The following SULF2 variants were observed in gnomAD, a reference collection of about 807,000 sequenced individuals.
SULF2 encodes the protein sulfatase 2, also known as extracellular sulfatase Sulf-2.
In SULF2, 52 loss-of-function variants were observed where a neutral mutation model predicts 107.7. The observed-to-expected ratio is 0.48, with a 90% CI of 0.39 to 0.61. The LOEUF is 0.61. Among genes scored for constraint, SULF2 ranks in the 20% least tolerant of loss-of-function variants. The pLI, the probability that SULF2 is intolerant of heterozygous loss-of-function variation, is 0.00. For missense variants in SULF2, 993 were observed against 1,177.3 expected, an observed-to-expected ratio of 0.84 and a Z score of 2.29; for synonymous variants, 460 against 464.3, an observed-to-expected ratio of 0.99 and a Z score of 0.12.
chr20:47,731,183 T>TTC lies in SULF2; in HGVS notation c.415+5518_415+5519dup, dbSNP rs200339548. On this transcript the variant is annotated intron_variant, in intron 3 of 20. Transcript: ENST00000688720. ...ACTCTGCCTGCTACTCACCTGTATCTTCTCTTTTTTTTTTTTTTTTTTTTT... is the reference window on the plus strand; with the variant it reads ...ACTCTGCCTGCTACTCACCTGTATCTTCTCTCTTTTTTTTTTTTTTTTTTTTT... 2.0e-3 allele frequency among the ~76,000 whole-genome samples: 222 copies of TTC among 112,490 alleles called. 12 individuals are homozygous for TTC. The highest frequency in any genetic ancestry group is 7.3e-3 in the African/African-American group (190 of 26,022). 73.8% of individuals were successfully genotyped at this position (112,490 alleles called of 152,430 possible). A position where few individuals can be genotyped will look rare whatever the true frequency, so the allele number is the denominator to read the frequency against.
chr20:47,774,597 G>T (rs931572738), intron 1 of SULF2, among the ~76,000 whole-genome samples: 1 of 152,226 alleles, frequency 6.6e-6, no homozygotes, highest in African/African-American at 2.4e-5. Flanking sequence ...TGCCACACAG[G>T]TTTGGGCATT....
intron 2 of SULF2, among the ~76,000 whole-genome samples, chr20:47,745,446 TATATATATATACACATAC>T (rs1331240200): frequency 0.19 from 3,153 of 16,978 alleles, 247 homozygotes; most frequent in Admixed American, 0.31. Flanking sequence ...TATATATATA[TATATATATATACACATAC>T]ACACACACTT....
intron 3 of SULF2, among the ~76,000 whole-genome samples, chr20:47,723,432 G>A (rs1248010928): frequency 2.0e-5 from 3 of 152,136 alleles, no homozygotes; most frequent in Non-Finnish European, 2.9e-5. Flanking sequence ...TGTGAACAAC[G>A]CTCTAGACCA....
At chr20:47,716,808 T>A (rs2089136252) in intron 3 of SULF2, among the ~76,000 whole-genome samples, 1 of 152,100 alleles carries the variant, frequency 6.6e-6, no homozygotes, top group Non-Finnish European at 1.5e-5. Context: ...CCAGCCTGCG[T>A]GACAAAGTGA....
Position 47,678,524 on chromosome 20 carries a change from C to CCCACGGGGACCATGCTTCTCTT in SULF2, c.1193+151_1193+152insAAGAGAAGCATGGTCCCCGTGG. The CCCACGGGGACCATGCTTCTCTT allele has an allele frequency of 2.1e-6, 2 of 973,138 alleles. No individual in the cohort carries two copies. Among genetic ancestry groups the CCCACGGGGACCATGCTTCTCTT allele is most frequent in the Non-Finnish European group, 3.1e-6 (2 of 653,170 alleles). The allele number at this position is 973,138 out of a possible 1,614,324, so 60.3% of individuals were successfully genotyped here. A position where few individuals can be genotyped will look rare whatever the true frequency, so the allele number is the denominator to read the frequency against. ...CTCGGAGAGGGGACCATGCTTCTCTCCCACAGCAGGTAAGTGGTTGGCATG... is the reference window on the plus strand; with the variant it reads ...CTCGGAGAGGGGACCATGCTTCTCTCCCACGGGGACCATGCTTCTCTTCCACAGCAGGTAAGTGGTTGGCATG... On this transcript the variant is annotated intron_variant, in intron 8 of 20. Coordinates refer to ENST00000688720, the MANE Select transcript of SULF2 (RefSeq NM_001387048.1). The surrounding 1 kb of genome is among the most constrained non-coding windows in gnomAD (Gnocchi z 4.5).
chr20:47,783,026 A>G (rs957380459), intron 1 of SULF2, among the ~76,000 whole-genome samples: 2 of 152,202 alleles, frequency 1.3e-5, no homozygotes, highest in Admixed American at 6.5e-5. Context: ...GACCAGCTGT[A>G]GGCAAGTCAC....
At chr20:47,707,651 C>T (rs575348554) in intron 3 of SULF2, among the ~76,000 whole-genome samples, 1 of 152,158 alleles carries the variant, frequency 6.6e-6, no homozygotes, top group Non-Finnish European at 1.5e-5. Flanking sequence ...TCAATTCCTC[C>T]CCTGTGTGCC....
At chr20:47,672,446 G>A (rs1015417973) in intron 10 of SULF2, 53 bp from the exon 11 acceptor site, 71 of 1,502,032 alleles carry the variant, frequency 4.7e-5, no homozygotes, top group Middle Eastern at 4.3e-4. Flanking sequence ...CCCTAAACCC[G>A]CCTCTCCCCT....
chr20:47,731,482 C>A (rs910608268), intron 3 of SULF2, among the ~76,000 whole-genome samples: 2 of 151,964 alleles, frequency 1.3e-5, no homozygotes, highest in Non-Finnish European at 2.9e-5. Flanking sequence ...CTTCAGTCAC[C>A]GTGCCTGGCC....
rs911125132 is a variant in SULF2, at chr20:47,680,860, T to C, written c.1065-2056A>G. ...GGTTGCTTTTCCTGGCCAGCACCAATGCCTTGCTCTGTGTCACAGCTTCTA... is the reference window on the plus strand; with the variant it reads ...GGTTGCTTTTCCTGGCCAGCACCAACGCCTTGCTCTGTGTCACAGCTTCTA... On this transcript the variant is annotated intron_variant, in intron 7 of 20. Transcript: ENST00000688720. The surrounding 1 kb of genome is among the most constrained non-coding windows in gnomAD (Gnocchi z 4.2). 1.3e-5 allele frequency among the ~76,000 whole-genome samples: 2 copies of C among 152,216 alleles called. No homozygotes were observed. The highest frequency in any genetic ancestry group is 4.8e-5 in the African/African-American group (2 of 41,448).
chr20:47,745,458 C>T (rs11697489), intron 2 of SULF2, among the ~76,000 whole-genome samples: 3,286 of 40,034 alleles, frequency 0.082, 301 homozygotes, highest in Non-Finnish European at 0.11. Flanking sequence ...TATATATATA[C>T]ACATACACAC....
intron 2 of SULF2, 104 bp downstream of exon 2, chr20:47,757,085 G>T: frequency 9.2e-7 from 1 of 1,088,176 alleles, no homozygotes; most frequent in Non-Finnish European, 1.3e-6. Context: ...ACTCAAAAGT[G>T]AGCACGACGC....
intron 3 of SULF2, among the ~76,000 whole-genome samples, chr20:47,716,518 GATAA>G (rs2089127292): frequency 6.6e-6 from 1 of 152,068 alleles, no homozygotes; most frequent in African/African-American, 2.4e-5. Context: ...GAGAAAAAAA[GATAA>G]ATAACTATAT....
In SULF2 at chr20:47,678,690, C is replaced by T. The variant is rs937149112; in HGVS notation, c.1179G>A (p.Glu393=). 1.2e-6 allele frequency: 2 copies of T among 1,613,928 alleles called. No homozygotes were observed. The highest frequency in any genetic ancestry group is 2.2e-5 in the South Asian group (2 of 91,076). ...TCCGTCCTCACCGATTCACCGGCCG[C>T]TCCGTGTCCAGCAGCTTGAGGATGG... ...GKSILKLLDT[E]RPVNRFHLKK... is the part of the protein sequence containing the mutation. The change falls in exon 8 of 21, where the codon GAG becomes GAA. Residue 393 remains glutamate, a synonymous_variant. Coordinates refer to ENST00000688720, the MANE Select transcript of SULF2 (RefSeq NM_001387048.1). The surrounding 1 kb of genome is among the most constrained non-coding windows in gnomAD (Gnocchi z 4.5).
chr20:47,681,433 C>T (rs536825265), intron 7 of SULF2, among the ~76,000 whole-genome samples: 39 of 152,192 alleles, frequency 2.6e-4, no homozygotes, highest in African/African-American at 8.4e-4. Flanking sequence ...TCACAGATTC[C>T]GAGGCTGACC....
intron 4 of SULF2, among the ~76,000 whole-genome samples, chr20:47,701,831 G>A (rs985989281): frequency 6.6e-6 from 1 of 152,170 alleles, no homozygotes; most frequent in African/African-American, 2.4e-5. Context: ...TATCCTCGCG[G>A]GAGGGGTGTC....
intron 4 of SULF2, among the ~76,000 whole-genome samples, chr20:47,691,626 C>T (rs975336452): frequency 6.6e-6 from 1 of 152,176 alleles, no homozygotes; most frequent in Non-Finnish European, 1.5e-5. Context: ...ATGTGCTTGC[C>T]ATGTGCTCTA....
Position 47,659,386 on chromosome 20 carries a change from T to C in SULF2, c.2582+13A>G. 6.2e-7 allele frequency: 1 copy of C among 1,613,426 alleles called. No individual in the cohort carries two copies. The highest frequency in any genetic ancestry group is 8.5e-7 in the Non-Finnish European group (1 of 1,179,390). ...AACCAGATTTCTATTTGTAAGCTGG[T>C]TCCTCAACTCACAGTGATTTGGAAG... On this transcript the variant is annotated intron_variant, in intron 20 of 20. Coordinates refer to ENST00000688720, the MANE Select transcript of SULF2 (RefSeq NM_001387048.1).
chr20:47,727,629 C>T (rs1021820633), intron 3 of SULF2, among the ~76,000 whole-genome samples: 9 of 152,150 alleles, frequency 5.9e-5, no homozygotes, highest in African/African-American at 9.7e-5. Flanking sequence ...CCTCTTTCCC[C>T]GTGGCCACTT....
Sources: allele counts gnomAD v4.1 joint callset (sites outside exome capture counted in the v4.1 genomes callset), GRCh38; gene constraint gnomAD v4.1.1; non-coding constraint Gnocchi (gnomAD v3.1); transcripts MANE v1.5; gene names NCBI Gene and HGNC (gene_info 2026-07-23, HGNC 2026-07-21).